The following RPS6KC1 variants were observed in gnomAD, a reference collection of about 807,000 sequenced individuals.
RPS6KC1 encodes inactive ribosomal protein S6 kinase delta-1.
RPS6KC1 carries 54 observed loss-of-function variants against 103.8 expected under a neutral mutation model. The observed-to-expected ratio is 0.52, with a 90% confidence interval of 0.42 to 0.65. The LOEUF is 0.65. Among genes scored for constraint, RPS6KC1 ranks in the 30% least tolerant of loss-of-function variants. The pLI is 0.00. For synonymous variants in RPS6KC1, 439 were observed against 438.7 expected, an observed-to-expected ratio of 1.00 and a Z score of -0.01; for missense variants, 1,151 against 1,253.8, an observed-to-expected ratio of 0.92 and a Z score of 1.24.
intron 6 of RPS6KC1, among the ~76,000 whole-genome samples, chr1:213,167,481 C>CAG (rs1235940026): frequency 6.5e-5 from 9 of 138,558 alleles, no homozygotes; most frequent in Non-Finnish European, 1.1e-4. Flanking sequence ...CACACACACA[C>CAG]ACACACACAA....
At chr1:213,285,418 C>T in the RPS6KC1 span, among the ~76,000 whole-genome samples, 4 of 152,104 alleles carry the variant, frequency 2.6e-5, no homozygotes, top group South Asian at 2.1e-4. Context: ...ACGAGTTCTT[C>T]GTAAGAAACC....
chr1:213,310,800 G>C, the RPS6KC1 span, among the ~76,000 whole-genome samples: 1 of 152,218 alleles, frequency 6.6e-6, no homozygotes, highest in Non-Finnish European at 1.5e-5. Flanking sequence ...TTTCATGTAA[G>C]AATTTGTCTT....
the RPS6KC1 span, among the ~76,000 whole-genome samples, chr1:213,363,232 T>C: frequency 6.6e-6 from 1 of 152,176 alleles, no homozygotes; most frequent in South Asian, 2.1e-4. Flanking sequence ...ATCATTCAAC[T>C]TATTAGGTTC....
chr1:213,657,784 C>A, the RPS6KC1 span, among the ~76,000 whole-genome samples: 1 of 152,224 alleles, frequency 6.6e-6, no homozygotes. Context: ...GAGTCATCTT[C>A]TTAATTTCTC....
intron 1 of RPS6KC1, among the ~76,000 whole-genome samples, chr1:213,068,444 A>T (rs2078533662): frequency 7.6e-6 from 1 of 131,106 alleles, no homozygotes. Flanking sequence ...AGATCGCGCC[A>T]CTGCACTCCA....
At chr1:213,672,057 C>A in the RPS6KC1 span, among the ~76,000 whole-genome samples, 1 of 152,294 alleles carries the variant, frequency 6.6e-6, no homozygotes, top group Non-Finnish European at 1.5e-5. Context: ...CTTACTTCTA[C>A]TATCCAAGGA....
At chr1:213,615,103 C>T in the RPS6KC1 span, among the ~76,000 whole-genome samples, 2 of 152,218 alleles carry the variant, frequency 1.3e-5, no homozygotes, top group African/African-American at 4.8e-5. Flanking sequence ...CTATTCCATT[C>T]TATTTTGTTA....
the RPS6KC1 span, among the ~76,000 whole-genome samples, chr1:213,770,401 C>T: frequency 6.6e-6 from 1 of 152,262 alleles, no homozygotes; most frequent in Non-Finnish European, 1.5e-5. Flanking sequence ...TACCCAATAG[C>T]ATACCTAAAT....
chr1:213,704,410 A>C, the RPS6KC1 span, among the ~76,000 whole-genome samples: 31 of 151,138 alleles, frequency 2.1e-4, no homozygotes, highest in African/African-American at 7.3e-4. Context: ...AAAAAAAAAA[A>C]AACTCTGATG....
At chr1:213,839,481 T>A in the RPS6KC1 span, among the ~76,000 whole-genome samples, 4,315 of 152,266 alleles carry the variant, frequency 0.028, 113 homozygotes, top group East Asian at 0.09. Flanking sequence ...TACCCTGAAT[T>A]TTGGTATTCA....
the RPS6KC1 span, among the ~76,000 whole-genome samples, chr1:213,350,241 A>C: frequency 2.0e-5 from 3 of 152,210 alleles, no homozygotes; most frequent in African/African-American, 7.2e-5. Context: ...ATGTGGATGG[A>C]AAGCAAATGA....
At chr1:213,573,971 G>T in the RPS6KC1 span, among the ~76,000 whole-genome samples, 1 of 152,214 alleles carries the variant, frequency 6.6e-6, no homozygotes, top group East Asian at 1.9e-4. Flanking sequence ...CAGACCAATG[G>T]CTGATAGTCC....
the RPS6KC1 span, among the ~76,000 whole-genome samples, chr1:213,737,414 C>A: frequency 6.6e-6 from 1 of 152,178 alleles, no homozygotes; most frequent in Non-Finnish European, 1.5e-5. Context: ...ACTAAGGAAT[C>A]AAAATGGTGA....
intron 12 of RPS6KC1, among the ~76,000 whole-genome samples, chr1:213,253,650 A>G (rs2094583134): frequency 6.6e-6 from 1 of 152,198 alleles, no homozygotes; most frequent in Non-Finnish European, 1.5e-5. Flanking sequence ...TATAATCTTA[A>G]AAGGCAAGGC....
At chr1:213,530,321 A>G in the RPS6KC1 span, among the ~76,000 whole-genome samples, 1 of 152,144 alleles carries the variant, frequency 6.6e-6, no homozygotes, top group African/African-American at 2.4e-5. Context: ...TACGTCATCC[A>G]GTACTTAGGG....
At chr1:213,459,653 C>T in the RPS6KC1 span, among the ~76,000 whole-genome samples, 4 of 152,050 alleles carry the variant, frequency 2.6e-5, no homozygotes, top group African/African-American at 9.7e-5. Flanking sequence ...TTTGCTCTTG[C>T]TTCTCTAGTT....
At chr1:213,806,327 G>A in the RPS6KC1 span, among the ~76,000 whole-genome samples, 45 of 152,104 alleles carry the variant, frequency 3.0e-4, 1 homozygote, top group Admixed American at 1.6e-3. Context: ...GCGAGACTCC[G>A]TCTCAAAATA....
chr1:213,715,221 A>C, the RPS6KC1 span, among the ~76,000 whole-genome samples: 2 of 152,204 alleles, frequency 1.3e-5, no homozygotes, highest in Non-Finnish European at 2.9e-5. Flanking sequence ...TACATGTTAT[A>C]AAAGGGTCAC....
In RPS6KC1 at chr1:213,241,978, C is replaced by T. The variant is rs1237005758; in HGVS notation, c.2502C>T (p.Ser834=). 2.5e-6 allele frequency: 4 copies of T among 1,613,958 alleles called. No individual in the cohort carries two copies. Among genetic ancestry groups the T allele is most frequent in the Non-Finnish European group, 3.4e-6 (4 of 1,179,910 alleles). The change falls in exon 11 of 15, where the codon AGC becomes AGT. Residue 834 remains serine (S), a synonymous_variant. Transcript: ENST00000366960. The part of the protein sequence containing the change: ...PLSGANEYIA[S]TDTLKTEEVL... ...CAGGTGCTAATGAATATATTGCAAGCACAGACACTTTAAAAACAGAAGAAG... is the reference window on the plus strand; with the variant it reads ...CAGGTGCTAATGAATATATTGCAAGTACAGACACTTTAAAAACAGAAGAAG...
Sources: gnomAD v4.1 joint callset for allele counts (sites outside exome capture counted in the v4.1 genomes callset) on GRCh38, gnomAD v4.1.1 for gene constraint, MANE v1.5 for transcripts, NCBI Gene and HGNC (gene_info 2026-07-23, HGNC 2026-07-21) for gene names.